The following ACTR3C variants were observed in gnomAD, a reference collection of about 807,000 sequenced individuals.
ACTR3C encodes the protein actin related protein 3C.
Under a neutral mutation model 26.3 loss-of-function variants are expected in ACTR3C, and 18 were observed. The ratio of observed to expected loss-of-function variants is 0.68; its 90% CI spans 0.47 to 1.01. The LOEUF (loss-of-function observed/expected upper bound fraction) is 1.01, where lower values mean the gene tolerates loss of function less well. Ranked by LOEUF, ACTR3C falls within the 50% of genes least tolerant of loss-of-function variation. The pLI is 0.00. For synonymous variants in ACTR3C, 55 were observed against 94.5 expected, an observed-to-expected ratio of 0.58 and a Z score of 2.42; for missense variants, 184 against 250.7, an observed-to-expected ratio of 0.73 and a Z score of 1.80.
chr7:150,179,284 G>A, the ACTR3C span, among the ~76,000 whole-genome samples: 1 of 143,214 alleles, frequency 7.0e-6, no homozygotes, highest in Non-Finnish European at 1.5e-5. Context: ...GTCTGATGAG[G>A]ACCAGTCCCG....
the ACTR3C span, among the ~76,000 whole-genome samples, chr7:149,967,977 C>T: frequency 8.3e-4 from 126 of 152,308 alleles, no homozygotes; most frequent in African/African-American, 2.8e-3. Flanking sequence ...ACTGACAGTA[C>T]TCACCATTCC....
chr7:150,114,195 T>C, the ACTR3C span, among the ~76,000 whole-genome samples: 1 of 152,210 alleles, frequency 6.6e-6, no homozygotes, highest in Non-Finnish European at 1.5e-5. Context: ...TGTTGTGGCA[T>C]CTCAGTGATC....
the ACTR3C span, among the ~76,000 whole-genome samples, chr7:150,027,072 G>A: frequency 6.6e-6 from 1 of 151,948 alleles, no homozygotes; most frequent in African/African-American, 2.4e-5. Context: ...TGCCTAAGAA[G>A]CTCTTTCTGC....
At chr7:150,241,534 A>T (rs940057229), downstream of ACTR3C, among the ~76,000 whole-genome samples, 4 of 152,268 alleles carry the variant, frequency 2.6e-5, no homozygotes, top group African/African-American at 9.6e-5. Context: ...ATGGGCTTAA[A>T]CAAAACCATA....
chr7:150,216,633 C>T, the ACTR3C span, among the ~76,000 whole-genome samples: 3 of 151,958 alleles, frequency 2.0e-5, no homozygotes, highest in African/African-American at 7.2e-5. Context: ...TCCCATCCTA[C>T]TCATACCCTC....
chr7:150,035,101 A>C, the ACTR3C span, among the ~76,000 whole-genome samples: 16 of 134,176 alleles, frequency 1.2e-4, no homozygotes, highest in East Asian at 4.6e-4. Context: ...TGGACACCTA[A>C]AACCCACAGT....
At chr7:150,140,269 T>C in the ACTR3C span, among the ~76,000 whole-genome samples, 1 of 152,370 alleles carries the variant, frequency 6.6e-6, no homozygotes, top group Admixed American at 6.5e-5. Flanking sequence ...AGCTTTTTCC[T>C]ACAAGCATTT....
chr7:150,141,860 T>G, the ACTR3C span, among the ~76,000 whole-genome samples: 1,637 of 151,944 alleles, frequency 0.011, 24 homozygotes, highest in African/African-American at 0.037. Context: ...TGTTCGCAGG[T>G]GCTGAGCTGA....
At chr7:150,059,160 C>T in the ACTR3C span, among the ~76,000 whole-genome samples, 1 of 152,280 alleles carries the variant, frequency 6.6e-6, no homozygotes, top group South Asian at 2.1e-4. Flanking sequence ...CAGGATAGGT[C>T]GCTAAGCATC....
At chr7:150,257,441 C>T (rs955492284) in intron 6 of ACTR3C, among the ~76,000 whole-genome samples, 2 of 152,216 alleles carry the variant, frequency 1.3e-5, no homozygotes, top group African/African-American at 4.8e-5. Flanking sequence ...GGACATATGT[C>T]TGGACAGACA....
At chr7:150,022,525 C>T in the ACTR3C span, among the ~76,000 whole-genome samples, 3 of 152,054 alleles carry the variant, frequency 2.0e-5, no homozygotes, top group South Asian at 2.1e-4. Flanking sequence ...GGTCTTTATC[C>T]TCCCTGCCCT....
chr7:150,078,454 G>T, the ACTR3C span, among the ~76,000 whole-genome samples: 10 of 149,256 alleles, frequency 6.7e-5, no homozygotes, highest in Non-Finnish European at 1.5e-4. Context: ...AATTATAAAT[G>T]AAATTAGCAT....
At chr7:150,052,790 A>C in the ACTR3C span, among the ~76,000 whole-genome samples, 1 of 109,394 alleles carries the variant, frequency 9.1e-6, no homozygotes. Context: ...TCACAACCTT[A>C]CCACCTTCCT....
At chr7:150,208,697 G>A in the ACTR3C span, among the ~76,000 whole-genome samples, 1 of 152,128 alleles carries the variant, frequency 6.6e-6, no homozygotes, top group Non-Finnish European at 1.5e-5. Context: ...CTCTGAAGTA[G>A]GTTTAGGAAT....
intron 1 of ACTR3C, chr7:150,322,906 C>G (rs999991329): frequency 6.6e-6 from 1 of 152,312 alleles, no homozygotes; most frequent in African/African-American, 2.4e-5. Context: ...GGATCCTTAT[C>G]GTCTTTGTGG....
At chr7:150,188,190 A>G in the ACTR3C span, among the ~76,000 whole-genome samples, 1 of 152,224 alleles carries the variant, frequency 6.6e-6, no homozygotes, top group South Asian at 2.1e-4. Context: ...TTTCCAGAAC[A>G]TTATATAAAT....
At chr7:150,027,272 CTG>C in the ACTR3C span, among the ~76,000 whole-genome samples, 3 of 152,100 alleles carry the variant, frequency 2.0e-5, no homozygotes, top group Admixed American at 1.3e-4. Flanking sequence ...ATATGAGAAA[CTG>C]TTTTGTTTTG....
chr7:149,999,875 A>G, the ACTR3C span, among the ~76,000 whole-genome samples: 717 of 152,182 alleles, frequency 4.7e-3, 22 homozygotes, highest in Non-Finnish European at 9.9e-4. Flanking sequence ...CTACACAACC[A>G]TAACTACTAA....
chr7:149,897,311 C>T, the ACTR3C span, among the ~76,000 whole-genome samples: 3 of 152,160 alleles, frequency 2.0e-5, no homozygotes, highest in African/African-American at 7.2e-5. Context: ...AAAGTAAAAG[C>T]TAATCTTTGG....
Sources: allele counts gnomAD v4.1 joint callset (sites outside exome capture counted in the v4.1 genomes callset), GRCh38; gene constraint gnomAD v4.1.1; transcripts MANE v1.5; gene names NCBI Gene and HGNC (gene_info 2026-07-23, HGNC 2026-07-21).